Variants in BARX2 observed in about 807,000 individuals in gnomAD.
BARX2 encodes the protein homeobox protein BarH-like 2.
Under a neutral mutation model 25.5 loss-of-function variants are expected in BARX2, and 11 were observed. The observed-to-expected ratio is 0.43, with a 90% CI of 0.27 to 0.71. BARX2 has a LOEUF of 0.71. Among genes scored for constraint, BARX2 ranks in the 30% least tolerant of loss-of-function variants. BARX2 has a pLI of 0.19. For missense variants in BARX2, 360 were observed against 359.9 expected (o/e 1.00, Z 0.00); for synonymous variants, 137 against 149.5 (o/e 0.92, Z 0.61).
At chr11:129,411,093 C>T (rs1349210565) in intron 1 of BARX2, among the ~76,000 whole-genome samples, 8 of 152,086 alleles carry the variant, frequency 5.3e-5, no homozygotes, top group African/African-American at 1.2e-4. Flanking sequence ...CAGAGTGGGC[C>T]GGGCCCAGTG....
chr11:129,385,791 A>G lies in BARX2; in HGVS notation c.187+9569A>G, dbSNP rs2135385205. The stretch of plus-strand genomic sequence containing the variant: ...CATTATTCTTTGTACTTTTCCATAT[A>G]TCTGAAATTTTTCATAACATGAAGA... On this transcript the variant is annotated intron_variant, in intron 1 of 3. Coordinates refer to ENST00000281437, the MANE Select transcript of BARX2 (RefSeq NM_003658.5). 1.3e-5 allele frequency among the ~76,000 whole-genome samples: 2 copies of G among 152,366 alleles called. 1 individual carries two copies. Among genetic ancestry groups the G allele is most frequent in the South Asian group, 4.1e-4 (2 of 4,828 alleles).
rs1862393699 is a variant in BARX2 at position 129,451,135 on chromosome 11, G to C, written c.574-1G>C. The C allele has an allele frequency of 1.2e-6, 2 of 1,611,764 alleles. No individual in the cohort carries two copies. The highest frequency in any genetic ancestry group is 2.7e-5 in the African/African-American group (2 of 74,780). ...TCAATAACAATTTTTTACTCACGTA[G>C]GTTCTTAAAGGTGGACAGGAAGCAC... On this transcript the variant is annotated splice_acceptor_variant, in intron 3 of 3. Coordinates refer to ENST00000281437, the MANE Select transcript of BARX2 (RefSeq NM_003658.5). LOFTEE classifies it high-confidence loss of function.
chr11:129,436,629 G>A lies in BARX2; in HGVS notation c.188-122G>A. The A allele has an allele frequency of 9.1e-7, 1 of 1,100,140 alleles. No individual in the cohort carries two copies. Among genetic ancestry groups the A allele is most frequent in the Non-Finnish European group, 1.3e-6 (1 of 775,138 alleles). The allele number at this position is 1,100,140 out of a possible 1,614,324, so 68.1% of individuals were successfully genotyped here. A position where few individuals can be genotyped will look rare whatever the true frequency, so the allele number is the denominator to read the frequency against. On this transcript the variant is annotated intron_variant, in intron 1 of 3. Transcript: ENST00000281437. This position sits in a 1 kb window ranked among gnomAD's most constrained non-coding sequence, Gnocchi z 4.5. Reference sequence around the variant, plus strand: ...ACCTCTCCTTCCCCTTCCTCCATCTGTACCTCCTTAAGAGCAGGGCCCTCC... The same window carrying A: ...ACCTCTCCTTCCCCTTCCTCCATCTATACCTCCTTAAGAGCAGGGCCCTCC...
chr11:129,376,315 G>A lies in BARX2; in HGVS notation c.187+93G>A. The A allele has an allele frequency of 1.6e-6, 2 of 1,229,886 alleles. No homozygotes were observed. Among genetic ancestry groups the A allele is most frequent in the South Asian group, 1.5e-5 (1 of 66,630 alleles). The allele number at this position is 1,229,886 out of a possible 1,614,324, so 76.2% of individuals were successfully genotyped here. A position where few individuals can be genotyped will look rare whatever the true frequency, so the allele number is the denominator to read the frequency against. Reference sequence around the variant, plus strand: ...TTGCGATCCGAGGGCGAGAGGAAGGGTTAAGTTAAGGGATTCTTTTCCTGC... The same window carrying A: ...TTGCGATCCGAGGGCGAGAGGAAGGATTAAGTTAAGGGATTCTTTTCCTGC... On this transcript the variant is annotated intron_variant, in intron 1 of 3. Coordinates refer to ENST00000281437, the MANE Select transcript of BARX2 (RefSeq NM_003658.5). This position sits in a 1 kb window ranked among gnomAD's most constrained non-coding sequence, Gnocchi z 4.2.
chr11:129,451,798 C>A lies in BARX2; in HGVS notation c.*396C>A. ...CAGTCATCAAAGCAGAGAGACGTGGCGGCATGTGGGCAGCATGCCCAGGTT... is the reference window on the plus strand; with the variant it reads ...CAGTCATCAAAGCAGAGAGACGTGGAGGCATGTGGGCAGCATGCCCAGGTT... On this transcript the variant is annotated 3_prime_UTR_variant, in exon 4 of 4. Coordinates refer to ENST00000281437, the MANE Select transcript of BARX2 (RefSeq NM_003658.5). 1 of 166,652 alleles carries A rather than the reference C, an allele frequency of 6.0e-6. No homozygotes were observed. The allele number at this position is 166,652 out of a possible 1,614,324, so 10.3% of individuals were successfully genotyped here.
chr11:129,407,978 G>T (rs1312547186), intron 1 of BARX2, among the ~76,000 whole-genome samples: 1 of 124,146 alleles, frequency 8.1e-6, no homozygotes, highest in African/African-American at 3.2e-5. Flanking sequence ...AAGGCGGGCC[G>T]ATCATGAGGT....
chr11:129,422,714 T>G (rs1294484114), intron 1 of BARX2, among the ~76,000 whole-genome samples: 2 of 151,654 alleles, frequency 1.3e-5, no homozygotes, highest in African/African-American at 4.8e-5. Context: ...TCTTTTTTTT[T>G]TTTTTTGAGA....
At chr11:129,434,659 C>A (rs923188332) in intron 1 of BARX2, among the ~76,000 whole-genome samples, 2 of 152,086 alleles carry the variant, frequency 1.3e-5, no homozygotes, top group Non-Finnish European at 2.9e-5. Context: ...ATTTCCCCTG[C>A]TCATGATTAT....
At chr11:129,411,198 C>T (rs562800431) in intron 1 of BARX2, among the ~76,000 whole-genome samples, 5 of 151,848 alleles carry the variant, frequency 3.3e-5, no homozygotes, top group Non-Finnish European at 5.9e-5. Flanking sequence ...GGTGAAACCC[C>T]GTCTCTACTA....
intron 1 of BARX2, among the ~76,000 whole-genome samples, chr11:129,419,887 T>A (rs1355258109): frequency 6.6e-6 from 1 of 152,036 alleles, no homozygotes; most frequent in African/African-American, 2.4e-5. Context: ...TTCAAGCGAT[T>A]CTCATGCCTC....
chr11:129,399,801 G>A lies in BARX2; in HGVS notation c.187+23579G>A, dbSNP rs532225523. ...AAGGGTAGTAACTTACAAGTCATTGGGTCATTGCCATGGAAAGGGGTGGTA... is the reference window on the plus strand; with the variant it reads ...AAGGGTAGTAACTTACAAGTCATTGAGTCATTGCCATGGAAAGGGGTGGTA... On this transcript the variant is annotated intron_variant, in intron 1 of 3. Transcript: ENST00000281437. Among the ~76,000 whole-genome samples the A allele has an allele frequency of 3.9e-5, 6 of 152,240 alleles. No individual in the cohort carries two copies. In the East Asian group the frequency reaches 9.7e-4, roughly 25 times the overall value.
intron 1 of BARX2, among the ~76,000 whole-genome samples, chr11:129,413,786 G>A (rs1157285713): frequency 2.0e-5 from 3 of 152,100 alleles, no homozygotes; most frequent in East Asian, 3.9e-4. Context: ...ACAGTAGGCC[G>A]GGCGCAGTGG....
At chr11:129,384,066 G>A (rs1300044794) in intron 1 of BARX2, among the ~76,000 whole-genome samples, 19 of 152,030 alleles carry the variant, frequency 1.2e-4, no homozygotes, top group Non-Finnish European at 1.3e-4. Context: ...TAGAGATGGA[G>A]TTTCACCATG....
At chr11:129,406,008 T>G (rs1861825906) in intron 1 of BARX2, among the ~76,000 whole-genome samples, 1 of 152,242 alleles carries the variant, frequency 6.6e-6, no homozygotes, top group Non-Finnish European at 1.5e-5. Context: ...TACTTATCTA[T>G]CTCATTACTA....
At chr11:129,432,638 TAGA>T (rs752200105) in intron 1 of BARX2, among the ~76,000 whole-genome samples, 1 of 152,228 alleles carries the variant, frequency 6.6e-6, no homozygotes, top group Non-Finnish European at 1.5e-5. Context: ...GCCTAGCTTT[TAGA>T]AGAAGTTTTA....
chr11:129,441,984 A>G (rs1862266625), intron 2 of BARX2, among the ~76,000 whole-genome samples: 2 of 152,210 alleles, frequency 1.3e-5, no homozygotes, highest in African/African-American at 4.8e-5. Flanking sequence ...AGCCCCAGAA[A>G]TGGCTTTGAC....
In BARX2 at chr11:129,442,832, T is replaced by C. The variant is rs897957750; in HGVS notation, c.489-3T>C. The C allele has an allele frequency of 6.2e-7, 1 of 1,612,522 alleles. No individual in the cohort carries two copies. On this transcript the variant is annotated splice_region_variant and splice_polypyrimidine_tract_variant and intron_variant, in intron 2 of 3. Coordinates refer to ENST00000281437, the MANE Select transcript of BARX2 (RefSeq NM_003658.5). ...CCTTTCCTTTGTATCTTGTGCCTTC[T>C]AGGTTGGACTTGGCTCAGTCTCTGG...
chr11:129,378,295 G>C (rs1591423120), intron 1 of BARX2, among the ~76,000 whole-genome samples: 2 of 152,336 alleles, frequency 1.3e-5, no homozygotes, highest in Admixed American at 1.3e-4. Flanking sequence ...GGCTACAATA[G>C]TTCATACTTT....
chr11:129,440,737 C>T (rs923898196), intron 2 of BARX2, among the ~76,000 whole-genome samples: 6 of 152,150 alleles, frequency 3.9e-5, no homozygotes, highest in African/African-American at 1.4e-4. Flanking sequence ...TGGGCAGCTG[C>T]ACCTGAGATC....
Sources: gnomAD v4.1 joint callset for allele counts (sites outside exome capture counted in the v4.1 genomes callset) on GRCh38, gnomAD v4.1.1 for gene constraint, Gnocchi (gnomAD v3.1) non-coding constraint, MANE v1.5 for transcripts, NCBI Gene and HGNC (gene_info 2026-07-23, HGNC 2026-07-21) for gene names.